Variants in NAPEPLD observed in about 807,000 individuals in gnomAD.
NAPEPLD encodes the protein N-acyl-phosphatidylethanolamine-hydrolyzing phospholipase D.
A neutral mutation model predicts 38.1 loss-of-function variants in NAPEPLD; 23 were observed. The ratio of observed to expected loss-of-function variants is 0.60; its 90% CI spans 0.43 to 0.86. The LOEUF is 0.86. Ranked by LOEUF, NAPEPLD falls within the 40% of genes least tolerant of loss-of-function variation. The pLI is 0.00. For missense variants in NAPEPLD, 411 were observed against 476.8 expected (o/e 0.86, Z 1.28); for synonymous variants, 147 against 162.0 (o/e 0.91, Z 0.71).
chr7:103,137,720 G>A (rs1810350687), intron 1 of NAPEPLD, among the ~76,000 whole-genome samples: 1 of 151,652 alleles, frequency 6.6e-6, no homozygotes, highest in Non-Finnish European at 1.5e-5. Context: ...GGAGGCTGAG[G>A]TGGGAGGACT....
At chr7:103,136,195 C>T (rs1430078301) in intron 1 of NAPEPLD, among the ~76,000 whole-genome samples, 1 of 151,176 alleles carries the variant, frequency 6.6e-6, no homozygotes, top group Non-Finnish European at 1.5e-5. Context: ...TAAACCCAGG[C>T]GGTGGACGTT....
At chr7:103,122,210 T>C (rs1223585345) in intron 2 of NAPEPLD, among the ~76,000 whole-genome samples, 1 of 151,354 alleles carries the variant, frequency 6.6e-6, no homozygotes, top group Non-Finnish European at 1.5e-5. Flanking sequence ...GGATTACAGG[T>C]GTGAGCCACC....
At chr7:103,104,502 T>G (rs1007366785) in intron 4 of NAPEPLD, among the ~76,000 whole-genome samples, 1 of 152,324 alleles carries the variant, frequency 6.6e-6, no homozygotes, top group African/African-American at 2.4e-5. Flanking sequence ...TCCTGAGCCC[T>G]TAAATGCACA....
chr7:103,121,541 GA>G (rs1452323896), intron 2 of NAPEPLD, among the ~76,000 whole-genome samples: 1 of 152,104 alleles, frequency 6.6e-6, no homozygotes, highest in Non-Finnish European at 1.5e-5. Context: ...CTGTCACTGG[GA>G]AAACTCTTAA....
At chr7:103,129,447 G>T in intron 1 of NAPEPLD, 2 of 362,462 alleles carry the variant, frequency 5.5e-6, no homozygotes, top group Non-Finnish European at 7.7e-6. Context: ...TTTCATACAT[G>T]TATTTAGAAA....
At chr7:103,106,985 C>T (rs1457644443) in intron 4 of NAPEPLD, among the ~76,000 whole-genome samples, 3 of 152,198 alleles carry the variant, frequency 2.0e-5, no homozygotes, top group Non-Finnish European at 4.4e-5. Flanking sequence ...GGCCGACAGA[C>T]ATCTCATACA....
rs542653498 is a variant in NAPEPLD, at chr7:103,145,338, G to A, written c.-17+3473C>T. Among the ~76,000 whole-genome samples, 12 of 152,174 alleles carry A rather than the reference G, an allele frequency of 7.9e-5. No individual in the cohort carries two copies. The South Asian group carries it at 1.9e-3, about 24-fold the overall frequency. On this transcript the variant is annotated intron_variant, in intron 1 of 4. Coordinates refer to ENST00000465647, the MANE Select transcript of NAPEPLD (RefSeq NM_001122838.3). ...CAATATGTGCATCATCAGTATTAGC[G>A]TTCACCCAGCTAAAAAAGAGGCTCC...
chr7:103,105,347 A>G (rs1585817135), intron 4 of NAPEPLD, among the ~76,000 whole-genome samples: 1 of 152,344 alleles, frequency 6.6e-6, no homozygotes, highest in African/African-American at 2.4e-5. Flanking sequence ...CAACTCGTAA[A>G]TTCCTAAAGG....
intron 2 of NAPEPLD, among the ~76,000 whole-genome samples, chr7:103,124,588 C>T (rs1360722129): frequency 6.6e-6 from 1 of 152,182 alleles, no homozygotes; most frequent in African/African-American, 2.4e-5. Context: ...ACTTTCTTGG[C>T]TGGTCTTCCT....
intron 2 of NAPEPLD, among the ~76,000 whole-genome samples, chr7:103,123,434 T>C (rs138379862): frequency 5.9e-4 from 90 of 152,290 alleles, no homozygotes; most frequent in African/African-American, 2.0e-3. Flanking sequence ...GGTATACTTA[T>C]CCAGAATTAA....
At chr7:103,148,473 AAAAC>A (rs370127924) in intron 1 of NAPEPLD, among the ~76,000 whole-genome samples, 7,536 of 149,614 alleles carry the variant, frequency 0.05, 261 homozygotes, top group African/African-American at 0.094. Flanking sequence ...AAAAAAGGAA[AAAAC>A]AAACAAACAA....
At chr7:103,135,051 T>C (rs1472998374) in intron 1 of NAPEPLD, among the ~76,000 whole-genome samples, 8 of 152,182 alleles carry the variant, frequency 5.3e-5, no homozygotes, top group African/African-American at 1.9e-4. Context: ...AAAACATACC[T>C]TTGGGATTTC....
At position 103,103,482 on chromosome 7, in the gene NAPEPLD, C is replaced by CA; in HGVS notation, c.1128dup (p.Val377CysfsTer12). On this transcript the variant is annotated frameshift_variant, in exon 5 of 5. Transcript: ENST00000465647. LOFTEE classifies it high-confidence loss of function. ...TATCTTGATTCTCCATGCTTCAAGA[C>CA]AAAAAAATCTTCAGCGTTAAGTCCG... The CA allele has an allele frequency of 1.3e-6, 2 of 1,596,590 alleles. No homozygotes were observed. Among genetic ancestry groups the CA allele is most frequent in the Non-Finnish European group, 1.7e-6 (2 of 1,175,154 alleles).
intron 4 of NAPEPLD, among the ~76,000 whole-genome samples, chr7:103,107,336 T>C (rs6979470): frequency 0.88 from 133,094 of 151,978 alleles, 61,000 homozygotes; most frequent in East Asian, 1. Context: ...ACCATAACAC[T>C]TCCTCTCCTC....
At chr7:103,107,118 G>T (rs1437611414) in intron 4 of NAPEPLD, among the ~76,000 whole-genome samples, 6 of 152,176 alleles carry the variant, frequency 3.9e-5, no homozygotes, top group Non-Finnish European at 7.4e-5. Context: ...ACAGGGTCTG[G>T]AGTGGACCTC....
chr7:103,138,022 G>C (rs1810447139), intron 1 of NAPEPLD, among the ~76,000 whole-genome samples: 1 of 148,210 alleles, frequency 6.7e-6, no homozygotes, highest in South Asian at 2.1e-4. Flanking sequence ...CTGTTACCCA[G>C]GCTGGAGTGC....
chr7:103,120,291 C>T, intron 2 of NAPEPLD, 68 bp from the exon 3 acceptor site: 2 of 1,488,306 alleles, frequency 1.3e-6, no homozygotes, highest in Non-Finnish European at 1.8e-6. Flanking sequence ...TCATAGTCCA[C>T]ATTTTGACCT....
At chr7:103,112,945 T>G (rs528462144) in intron 4 of NAPEPLD, among the ~76,000 whole-genome samples, 2 of 152,336 alleles carry the variant, frequency 1.3e-5, no homozygotes, top group South Asian at 2.1e-4. Context: ...ATAACAGGAA[T>G]AATTCTTGAA....
At chr7:103,121,051 C>T (rs940618427) in intron 2 of NAPEPLD, among the ~76,000 whole-genome samples, 7 of 151,958 alleles carry the variant, frequency 4.6e-5, no homozygotes, top group African/African-American at 1.7e-4. Flanking sequence ...CAAAATGGAG[C>T]GCTGTGATGA....
Sources: allele counts gnomAD v4.1 joint callset (sites outside exome capture counted in the v4.1 genomes callset), GRCh38; gene constraint gnomAD v4.1.1; transcripts MANE v1.5; gene names NCBI Gene and HGNC (gene_info 2026-07-23, HGNC 2026-07-21).